Variants in EVC2 observed in about 807,000 individuals in gnomAD.
EVC2 encodes the protein EvC ciliary complex subunit 2.
A neutral mutation model predicts 149.3 loss-of-function variants in EVC2; 148 were observed. The observed-to-expected ratio is 0.99, with a 90% CI of 0.87 to 1.14. The LOEUF is 1.14. EVC2 is among the 50% of genes most tolerant of loss of function. The pLI is 0.00. For missense variants in EVC2, 1,854 were observed against 1,627.3 expected, an observed-to-expected ratio of 1.14 and a Z score of -2.40; for synonymous variants, 776 against 649.9, an observed-to-expected ratio of 1.19 and a Z score of -2.95.
intron 11 of EVC2, among the ~76,000 whole-genome samples, chr4:5,630,187 G>T (rs950258206): frequency 2.6e-5 from 4 of 152,182 alleles, no homozygotes; most frequent in African/African-American, 9.7e-5. Flanking sequence ...TCTGTCCTGG[G>T]TGCCTTCTGG....
intron 16 of EVC2, among the ~76,000 whole-genome samples, chr4:5,599,253 T>C (rs1183867626): frequency 3.3e-5 from 5 of 151,152 alleles, no homozygotes; most frequent in African/African-American, 1.2e-4. Context: ...ATCATGCTGC[T>C]ATAAAGACAC....
At chr4:5,665,172 T>G (rs1309086768) in intron 8 of EVC2, among the ~76,000 whole-genome samples, 1 of 151,952 alleles carries the variant, frequency 6.6e-6, no homozygotes, top group Non-Finnish European at 1.5e-5. Context: ...AAACCAGGCA[T>G]GTTGGTGTGT....
chr4:5,701,711 C>T (rs1002215376), intron 1 of EVC2, among the ~76,000 whole-genome samples: 5 of 152,216 alleles, frequency 3.3e-5, no homozygotes, highest in African/African-American at 1.2e-4. Flanking sequence ...GACTTGAATG[C>T]CTAAGAGACA....
rs1721724985 is a variant in EVC2 at position 5,550,994 on chromosome 4, GA to G, written c.3420-7783del. Among the ~76,000 whole-genome samples, 4 of 152,348 alleles carry G rather than the reference GA, an allele frequency of 2.6e-5. No homozygotes were observed. The South Asian group carries it at 8.3e-4, about 32-fold the overall frequency. ...ATTGTGGTTTGGGAACCTCTGCCTA[GA>G]TTTCAGAAATTGTATGGAAATGCCT... On this transcript the variant is annotated intron_variant and NMD_transcript_variant, in intron 21 of 22. Transcript: ENST00000475313.
At chr4:5,602,061 G>C (rs1048064311) in intron 16 of EVC2, among the ~76,000 whole-genome samples, 1 of 152,106 alleles carries the variant, frequency 6.6e-6, no homozygotes, top group African/African-American at 2.4e-5. Context: ...AAATGCTTGA[G>C]GCCAAGAGTT....
chr4:5,683,763 C>T (rs1367676836), intron 6 of EVC2, among the ~76,000 whole-genome samples: 4 of 152,086 alleles, frequency 2.6e-5, no homozygotes, highest in Non-Finnish European at 5.9e-5. Flanking sequence ...CTGCTCAAGC[C>T]AGCCCGGCCC....
intron 9 of EVC2, among the ~76,000 whole-genome samples, chr4:5,648,669 A>C (rs1305896298): frequency 6.6e-6 from 1 of 152,210 alleles, no homozygotes; most frequent in Non-Finnish European, 1.5e-5. Flanking sequence ...CTCTCACAGA[A>C]GATTGGCTGC....
At chr4:5,688,136 A>T (rs2151730683) in intron 5 of EVC2, among the ~76,000 whole-genome samples, 1 of 152,298 alleles carries the variant, frequency 6.6e-6, no homozygotes, top group South Asian at 2.1e-4. Context: ...CTTTTATGAC[A>T]TCATTTAAAT....
intron 3 of EVC2, among the ~76,000 whole-genome samples, chr4:5,693,004 C>A (rs1303587733): frequency 6.6e-6 from 1 of 152,206 alleles, no homozygotes; most frequent in African/African-American, 2.4e-5. Flanking sequence ...ACTACACCCC[C>A]GCTAATGCCT....
At chr4:5,549,337 G>A (rs754976949) in intron 21 of EVC2, among the ~76,000 whole-genome samples, 2 of 152,118 alleles carry the variant, frequency 1.3e-5, no homozygotes, top group Non-Finnish European at 2.9e-5. Context: ...CCTTCGACAG[G>A]GGAATACAAT....
chr4:5,551,671 A>G (rs536711985), intron 21 of EVC2, among the ~76,000 whole-genome samples: 11 of 152,304 alleles, frequency 7.2e-5, no homozygotes, highest in African/African-American at 2.6e-4. Context: ...ATGTGAGAAC[A>G]TGAGATTAGG....
rs780888825 is a variant in EVC2 at position 5,640,465 on chromosome 4, A to G, written c.1470+49T>C. ...GAGTGGGTAGATGGATAAATGACAA[A>G]TCCCTGAGAGAAAGGGAAGTGAACG... On this transcript the variant is annotated intron_variant, in intron 10 of 21. Transcript: ENST00000344408. The surrounding 1 kb of genome is among the most constrained non-coding windows in gnomAD (Gnocchi z 4.6). 2.6e-5 allele frequency: 42 copies of G among 1,609,286 alleles called. No homozygotes were observed. In the East Asian group the frequency reaches 9.4e-4, roughly 36 times the overall value.
chr4:5,577,918 A>G (rs1344758961), intron 17 of EVC2, among the ~76,000 whole-genome samples: 1 of 152,132 alleles, frequency 6.6e-6, no homozygotes, highest in Non-Finnish European at 1.5e-5. Context: ...GTCTACCCAG[A>G]TGCCAGCCCC....
chr4:5,584,018 G>T (rs1438795346), intron 17 of EVC2, among the ~76,000 whole-genome samples: 1 of 152,022 alleles, frequency 6.6e-6, no homozygotes, highest in African/African-American at 2.4e-5. Context: ...TGAAGTGAGA[G>T]CATGTCTATT....
At chr4:5,699,642 C>CAAAAAAAAA (rs773633372) in intron 1 of EVC2, among the ~76,000 whole-genome samples, 17 of 111,144 alleles carry the variant, frequency 1.5e-4, no homozygotes, top group African/African-American at 1.8e-4. Flanking sequence ...TCCATCTCTA[C>CAAAAAAAAA]AAAAAAAAAA....
chr4:5,610,463 A>G (rs559228295), intron 16 of EVC2, among the ~76,000 whole-genome samples: 51 of 152,292 alleles, frequency 3.3e-4, no homozygotes, highest in African/African-American at 1.2e-3. Context: ...GAGAGCAACA[A>G]CTGGCCAGTT....
rs1715039441 is a variant in EVC2, at chr4:5,613,891, A to G, written c.2829+1531T>C. Reference sequence around the variant, plus strand: ...AACCTGGACACACCTGATGGGAGACACTGAGCCCAGAGCAGTTTCTATGGC... The same window carrying G: ...AACCTGGACACACCTGATGGGAGACGCTGAGCCCAGAGCAGTTTCTATGGC... On this transcript the variant is annotated intron_variant, in intron 16 of 21. Coordinates refer to ENST00000344408, the MANE Select transcript of EVC2 (RefSeq NM_147127.5). This position sits in a 1 kb window ranked among gnomAD's most constrained non-coding sequence, Gnocchi z 4.6. 6.6e-6 allele frequency among the ~76,000 whole-genome samples: 1 copy of G among 152,190 alleles called. No individual in the cohort carries two copies. Among genetic ancestry groups the G allele is most frequent in the African/African-American group, 2.4e-5 (1 of 41,444 alleles).
intron 21 of EVC2, among the ~76,000 whole-genome samples, chr4:5,545,336 G>C (rs1475036139): frequency 6.6e-6 from 1 of 152,190 alleles, no homozygotes; most frequent in African/African-American, 2.4e-5. Context: ...GTGTTAGAAA[G>C]AACACAGGCT....
intron 17 of EVC2, among the ~76,000 whole-genome samples, chr4:5,583,624 T>G (rs1712000486): frequency 6.6e-6 from 1 of 152,156 alleles, no homozygotes; most frequent in Non-Finnish European, 1.5e-5. Context: ...GTTTTTGAAT[T>G]CATCTGTATA....
Sources: allele counts gnomAD v4.1 joint callset (sites outside exome capture counted in the v4.1 genomes callset), GRCh38; gene constraint gnomAD v4.1.1; non-coding constraint Gnocchi (gnomAD v3.1); transcripts MANE v1.5; gene names NCBI Gene and HGNC (gene_info 2026-07-23, HGNC 2026-07-21).